The following SUSD3 variants were observed in gnomAD, a reference collection of about 807,000 sequenced individuals.
SUSD3 encodes sushi domain-containing protein 3.
A neutral mutation model predicts 20.6 loss-of-function variants in SUSD3; 18 were observed. The observed-to-expected ratio is 0.87, with a 90% CI of 0.60 to 1.30. The LOEUF (loss-of-function observed/expected upper bound fraction) is 1.30, where lower values mean the gene tolerates loss of function less well. Among genes scored for constraint, SUSD3 ranks in the 50% most tolerant of loss-of-function variants. SUSD3 has a pLI of 0.00. For synonymous variants in SUSD3, 137 were observed against 141.5 expected (o/e 0.97, Z 0.23); for missense variants, 306 against 346.9 (o/e 0.88, Z 0.94).
At chr9:93,076,536 A>G (rs1314825135) in intron 2 of SUSD3, among the ~76,000 whole-genome samples, 2 of 152,160 alleles carry the variant, frequency 1.3e-5, no homozygotes, top group Non-Finnish European at 2.9e-5. Context: ...CCAGCATGAC[A>G]TTTCCAAAAT....
intron 4 of SUSD3, among the ~76,000 whole-genome samples, chr9:93,083,983 G>A (rs936873666): frequency 3.3e-5 from 5 of 152,146 alleles, no homozygotes; most frequent in African/African-American, 1.2e-4. Flanking sequence ...TGTGTGTGGA[G>A]GCTGGAGATG....
At chr9:93,064,529 C>T (rs572043320) in intron 1 of SUSD3, among the ~76,000 whole-genome samples, 16 of 152,294 alleles carry the variant, frequency 1.1e-4, no homozygotes, top group Non-Finnish European at 1.3e-4. Context: ...CAGAACCTGG[C>T]GGCTGAGAAC....
intron 4 of SUSD3, among the ~76,000 whole-genome samples, chr9:93,084,226 C>A (rs1444794028): frequency 6.6e-6 from 1 of 152,202 alleles, no homozygotes; most frequent in South Asian, 2.1e-4. Flanking sequence ...CTGGTGGTTT[C>A]TGCACACTCT....
chr9:93,079,361 GCC>G, intron 3 of SUSD3, 108 bp from the exon 4 acceptor site: 1 of 1,252,856 alleles, frequency 8.0e-7, no homozygotes, highest in Non-Finnish European at 1.1e-6. Flanking sequence ...AGGTTTGCCA[GCC>G]TGCACTGGTC....
At chr9:93,083,431 C>T (rs1344549668) in intron 4 of SUSD3, among the ~76,000 whole-genome samples, 2 of 152,232 alleles carry the variant, frequency 1.3e-5, no homozygotes, top group Non-Finnish European at 2.9e-5. Context: ...CCCAGGCTGC[C>T]TCCATAGGTG....
intron 2 of SUSD3, 85 bp from the exon 3 acceptor site, chr9:93,077,761 C>A: frequency 6.6e-7 from 1 of 1,503,952 alleles, no homozygotes; most frequent in Non-Finnish European, 9.1e-7. Flanking sequence ...AGGCCCTACC[C>A]GTACCACCCC....
intron 1 of SUSD3, 25 bp downstream of exon 1, chr9:93,058,855 C>A: frequency 8.1e-7 from 1 of 1,234,656 alleles, no homozygotes; most frequent in Non-Finnish European, 1.0e-6. Flanking sequence ...CGAGTGGCCG[C>A]GTGCGGGGCT....
chr9:93,070,072 C>T (rs977083556), intron 1 of SUSD3, among the ~76,000 whole-genome samples: 1 of 152,202 alleles, frequency 6.6e-6, no homozygotes, highest in Admixed American at 6.5e-5. Flanking sequence ...AGCCACCATG[C>T]CTGGCCGAGC....
chr9:93,059,663 G>A (rs1291834200), intron 1 of SUSD3, among the ~76,000 whole-genome samples: 1 of 152,196 alleles, frequency 6.6e-6, no homozygotes, highest in Admixed American at 6.5e-5. Flanking sequence ...GCGTTGCGGG[G>A]CTAAGGCTCT....
intron 1 of SUSD3, among the ~76,000 whole-genome samples, chr9:93,064,914 T>C (rs4077176): frequency 0.27 from 40,418 of 152,106 alleles, 7,229 homozygotes; most frequent in African/African-American, 0.51. Flanking sequence ...CTGGCTGCCT[T>C]GAGTGCATGG....
chr9:93,068,795 A>G (rs1174996213), intron 1 of SUSD3, among the ~76,000 whole-genome samples: 1 of 152,228 alleles, frequency 6.6e-6, no homozygotes, highest in Non-Finnish European at 1.5e-5. Flanking sequence ...TACAGTGAAT[A>G]TAGTAGATAC....
In SUSD3 at chr9:93,084,638, C is replaced by T; in HGVS notation, c.659C>T (p.Ser220Leu). The change falls in exon 5 of 5, where the codon TCA becomes TTA. Residue 220 changes from serine to leucine, a missense_variant. Transcript: ENST00000375472. ...CTAAGCCTCAGTGGCTCCTCCAGCT[C>T]ACCCCAAGCCCAGGTGATGGTGCAC... ...RALSLSGSSS[S>L]PQAQVMVHMA... 3 of 1,609,494 alleles carry T rather than the reference C, an allele frequency of 1.9e-6. No homozygotes were observed. Among genetic ancestry groups the T allele is most frequent in the South Asian group, 1.1e-5 (1 of 90,034 alleles).
chr9:93,075,743 C>A (rs56653934), intron 1 of SUSD3, 41 bp from the exon 2 acceptor site: 4,663 of 149,190 alleles, frequency 0.031, 158 homozygotes, highest in African/African-American at 0.093. Context: ...CGTGCCCACC[C>A]CCCCCCCCCC....
At chr9:93,060,278 C>A (rs1423734694) in intron 1 of SUSD3, among the ~76,000 whole-genome samples, 1 of 152,042 alleles carries the variant, frequency 6.6e-6, no homozygotes. Flanking sequence ...GGTTAGGATC[C>A]CCCCTGTGAC....
chr9:93,076,009 T>G, intron 2 of SUSD3, 37 bp downstream of exon 2: 1 of 1,536,394 alleles, frequency 6.5e-7, no homozygotes, highest in Non-Finnish European at 8.8e-7. Flanking sequence ...GCTCTGGGGG[T>G]GGGGGATGGC....
At chr9:93,083,026 T>C (rs934290860) in intron 4 of SUSD3, among the ~76,000 whole-genome samples, 1 of 151,986 alleles carries the variant, frequency 6.6e-6, no homozygotes, top group African/African-American at 2.4e-5. Context: ...CGTCCAAGAG[T>C]GGCCACAGAT....
Position 93,084,760 on chromosome 9 carries a change from G to A in SUSD3, c.*13G>A, listed in dbSNP as rs369933817. 4 of 1,473,088 alleles carry A rather than the reference G, an allele frequency of 2.7e-6. No homozygotes were observed. The East Asian group carries it at 1.0e-4, about 38-fold the overall frequency. The allele number at this position is 1,473,088 out of a possible 1,614,324, so 91.3% of individuals were successfully genotyped here. ...TGCCCTAGGGTGACCACGCAGTGAG[G>A]CTGGTGCCCATGCTCCACACTGGGA... On this transcript the variant is annotated 3_prime_UTR_variant, in exon 5 of 5. Coordinates refer to ENST00000375472, the MANE Select transcript of SUSD3 (RefSeq NM_145006.4).
At chr9:93,075,169 G>A (rs1453414497) in intron 1 of SUSD3, among the ~76,000 whole-genome samples, 1 of 152,124 alleles carries the variant, frequency 6.6e-6, no homozygotes, top group Non-Finnish European at 1.5e-5. Context: ...TGGTATCCTT[G>A]TGAATTGCTT....
intron 1 of SUSD3, among the ~76,000 whole-genome samples, chr9:93,062,837 G>A (rs1825561006): frequency 6.6e-6 from 1 of 152,190 alleles, no homozygotes; most frequent in Non-Finnish European, 1.5e-5. Context: ...ATGTCCCTGG[G>A]AGTTGGGTGC....
Sources: allele counts gnomAD v4.1 joint callset (sites outside exome capture counted in the v4.1 genomes callset), GRCh38; gene constraint gnomAD v4.1.1; transcripts MANE v1.5; gene names NCBI Gene and HGNC (gene_info 2026-07-23, HGNC 2026-07-21).